The following AUTS2 variants were observed in gnomAD, a reference collection of about 807,000 sequenced individuals.
AUTS2 encodes the protein autism susceptibility gene 2 protein.
AUTS2 carries 17 observed loss-of-function variants against 112.4 expected under a neutral mutation model. The observed-to-expected ratio is 0.15, with a 90% CI of 0.10 to 0.23. The LOEUF is 0.23. AUTS2 is among the 10% of genes least tolerant of loss of function. The pLI is 1.00. For missense variants in AUTS2, 1,510 were observed against 1,701.6 expected (o/e 0.89, Z 1.98); for synonymous variants, 751 against 702.7 (o/e 1.07, Z -1.09).
intron 2 of AUTS2, among the ~76,000 whole-genome samples, chr7:70,055,647 A>G (rs1194491124): frequency 6.6e-6 from 1 of 152,164 alleles, no homozygotes; most frequent in Non-Finnish European, 1.5e-5. Flanking sequence ...TAGACAGAAA[A>G]GCAGTTTTTC....
chr7:70,023,897 G>A (rs1189117004), intron 2 of AUTS2, among the ~76,000 whole-genome samples: 1 of 152,128 alleles, frequency 6.6e-6, no homozygotes, highest in African/African-American at 2.4e-5. Context: ...GTAATCTGTG[G>A]TGTCTTTATG....
chr7:70,162,271 C>A (rs1270060286), intron 4 of AUTS2, among the ~76,000 whole-genome samples: 2 of 150,000 alleles, frequency 1.3e-5, no homozygotes, highest in African/African-American at 4.9e-5. Flanking sequence ...ACGGTGAAAC[C>A]CCGTCTCTAC....
intron 5 of AUTS2, among the ~76,000 whole-genome samples, chr7:70,692,126 C>T (rs1176985029): frequency 6.6e-6 from 1 of 152,104 alleles, no homozygotes; most frequent in East Asian, 1.9e-4. Context: ...CCTCGGCCTC[C>T]CAAAGTGCTG....
At position 70,589,023 on chromosome 7, in the gene AUTS2, T is replaced by C. The variant is rs147553845; in HGVS notation, c.691-109546T>C. Among the ~76,000 whole-genome samples the C allele has an allele frequency of 3.2e-4, 48 of 152,332 alleles. No homozygotes were observed. In the East Asian group the frequency reaches 9.1e-3, roughly 29 times the overall value. ...TTATGCCTACTGAAAGTGAAGCATG[T>C]ACTTTGAAACATTTGTTGGATACCC... On this transcript the variant is annotated intron_variant, in intron 5 of 18. Transcript: ENST00000342771.
rs569923501 is a variant in AUTS2 at position 69,905,870 on chromosome 7, T to G, written c.522+6372T>G. Among the ~76,000 whole-genome samples, 4 of 152,252 alleles carry G rather than the reference T, an allele frequency of 2.6e-5. No homozygotes were observed. In the East Asian group the frequency reaches 7.7e-4, roughly 29 times the overall value. On this transcript the variant is annotated intron_variant, in intron 2 of 18. Transcript: ENST00000342771. Reference sequence around the variant, plus strand: ...AGCTGAATGGGAAAAGGAACTGCAATGAAAAGAATGGGCCATAATTCAGCT... The same window carrying G: ...AGCTGAATGGGAAAAGGAACTGCAAGGAAAAGAATGGGCCATAATTCAGCT...
chr7:70,731,447 T>C (rs1787384026), intron 6 of AUTS2, among the ~76,000 whole-genome samples: 2 of 126,224 alleles, frequency 1.6e-5, no homozygotes, highest in South Asian at 5.4e-4. Flanking sequence ...TTTTTTTTTT[T>C]GAGACAGAGT....
intron 4 of AUTS2, among the ~76,000 whole-genome samples, chr7:70,272,868 T>C (rs1425846470): frequency 6.6e-6 from 1 of 152,134 alleles, no homozygotes; most frequent in Non-Finnish European, 1.5e-5. Context: ...TGCACACTTG[T>C]AGTCCCAGCT....
At chr7:70,482,640 C>T (rs533856479) in intron 5 of AUTS2, among the ~76,000 whole-genome samples, 2 of 152,260 alleles carry the variant, frequency 1.3e-5, no homozygotes, top group East Asian at 3.9e-4. Context: ...CTGCAGGTGT[C>T]ATGAAGATGA....
chr7:69,848,453 T>G (rs1792310989), intron 1 of AUTS2, among the ~76,000 whole-genome samples: 1 of 152,206 alleles, frequency 6.6e-6, no homozygotes, highest in Non-Finnish European at 1.5e-5. Context: ...GTTTGTTCTC[T>G]TTAAAGGGTT....
chr7:69,869,785 A>G (rs147618180), intron 1 of AUTS2, among the ~76,000 whole-genome samples: 2 of 152,304 alleles, frequency 1.3e-5, no homozygotes, highest in East Asian at 1.9e-4. Context: ...ATTATTGTCT[A>G]CTTGTTAACC....
chr7:70,497,280 C>A (rs1267241915), intron 5 of AUTS2, among the ~76,000 whole-genome samples: 1 of 139,660 alleles, frequency 7.2e-6, no homozygotes, highest in Non-Finnish European at 1.6e-5. Context: ...ACACCCCCCA[C>A]ACACATGCAC....
At chr7:69,944,438 TA>T (rs1239740095) in intron 2 of AUTS2, among the ~76,000 whole-genome samples, 1 of 152,178 alleles carries the variant, frequency 6.6e-6, no homozygotes, top group African/African-American at 2.4e-5. Flanking sequence ...ATGTGCACTT[TA>T]AAAACCTGTT....
intron 18 of AUTS2, among the ~76,000 whole-genome samples, chr7:70,788,681 T>A (rs1791676030): frequency 6.6e-6 from 1 of 152,222 alleles, no homozygotes. Context: ...AAATATACTC[T>A]TCTTCCATCC....
chr7:70,527,657 T>C (rs1324345028), intron 5 of AUTS2, among the ~76,000 whole-genome samples: 1 of 152,178 alleles, frequency 6.6e-6, no homozygotes, highest in Non-Finnish European at 1.5e-5. Context: ...AAAACACTGG[T>C]CTACATAAAT....
intron 4 of AUTS2, among the ~76,000 whole-genome samples, chr7:70,280,601 AG>A (rs1265391777): frequency 6.6e-6 from 1 of 151,946 alleles, no homozygotes; most frequent in Non-Finnish European, 1.5e-5. Flanking sequence ...CGGCCAAATA[AG>A]GGAAACTTTT....
chr7:70,508,258 T>A lies in AUTS2; in HGVS notation c.690+72477T>A, dbSNP rs116902636. On this transcript the variant is annotated intron_variant, in intron 5 of 18. Transcript: ENST00000342771. Reference sequence around the variant, plus strand: ...GTGGGGCATTAACGATCATTAATAGTGCTGTCAAAAAGGAGGGGGGTAGGG... The same window carrying A: ...GTGGGGCATTAACGATCATTAATAGAGCTGTCAAAAAGGAGGGGGGTAGGG... 2.4e-3 allele frequency among the ~76,000 whole-genome samples: 363 copies of A among 151,314 alleles called. 1 individual carries two copies. The highest frequency in any genetic ancestry group is 4.2e-3 in the Non-Finnish European group (284 of 67,886).
intron 5 of AUTS2, among the ~76,000 whole-genome samples, chr7:70,676,176 C>G (rs998793236): frequency 6.6e-6 from 1 of 152,202 alleles, no homozygotes; most frequent in Non-Finnish European, 1.5e-5. Flanking sequence ...TGTGGTGGCT[C>G]ATGCCTATGA....
intron 1 of AUTS2, among the ~76,000 whole-genome samples, chr7:69,703,925 GTTAAT>G (rs1278762942): frequency 3.3e-5 from 5 of 152,214 alleles, no homozygotes; most frequent in African/African-American, 9.6e-5. Context: ...AACCTGGCTA[GTTAAT>G]TTAATTAAGT....
At chr7:70,428,914 T>C (rs1486779943) in intron 4 of AUTS2, among the ~76,000 whole-genome samples, 1 of 152,200 alleles carries the variant, frequency 6.6e-6, no homozygotes, top group Non-Finnish European at 1.5e-5. Context: ...ACCAGAGTCT[T>C]AAAACACAGA....
Sources: gnomAD v4.1 joint callset for allele counts (sites outside exome capture counted in the v4.1 genomes callset) on GRCh38, gnomAD v4.1.1 for gene constraint, MANE v1.5 for transcripts, NCBI Gene and HGNC (gene_info 2026-07-23, HGNC 2026-07-21) for gene names.